SRPK1: variants seen among roughly 807,000 people sequenced by gnomAD.
The protein encoded by SRPK1 is SRSF protein kinase 1.
Under a neutral mutation model 89.5 loss-of-function variants are expected in SRPK1, and 52 were observed. That is an observed-to-expected ratio of 0.58 (90% CI 0.46 to 0.73). The LOEUF (loss-of-function observed/expected upper bound fraction) is 0.73. SRPK1 is among the 30% of genes least tolerant of loss of function. The probability of loss-of-function intolerance (pLI) is 0.00; values close to 1 mark genes in which losing one functional copy is unlikely to be tolerated. For synonymous variants in SRPK1, 255 were observed against 270.2 expected (o/e 0.94, Z 0.55); for missense variants, 603 against 780.6 (o/e 0.77, Z 2.71).
Position 35,910,975 on chromosome 6 carries a change from G to A in SRPK1, c.74+9493C>T, listed in dbSNP as rs115644660. 8.3e-3 allele frequency among the ~76,000 whole-genome samples: 1,269 copies of A among 152,276 alleles called. 19 individuals are homozygous for A. The highest frequency in any genetic ancestry group is 0.028 in the African/African-American group (1,173 of 41,554). On this transcript the variant is annotated intron_variant, in intron 2 of 15. Transcript: ENST00000373825. ...ACCTAGTCACCCAAGAGCTCTGATG[G>A]GAATGTACAAAGAGATTAATGTTGT...
At chr6:35,897,424 G>A (rs1167500154) in intron 2 of SRPK1, among the ~76,000 whole-genome samples, 1 of 152,172 alleles carries the variant, frequency 6.6e-6, no homozygotes, top group Non-Finnish European at 1.5e-5. Flanking sequence ...TAAACAAAAA[G>A]CAATGGGTAA....
chr6:35,861,399 T>C (rs1400027614), intron 12 of SRPK1, among the ~76,000 whole-genome samples: 16 of 152,158 alleles, frequency 1.1e-4, no homozygotes, highest in Admixed American at 1.0e-3. Flanking sequence ...CCCACAGGCA[T>C]CTGAGTCTAA....
intron 6 of SRPK1, among the ~76,000 whole-genome samples, 176 bp from the exon 7 acceptor site, chr6:35,874,515 T>C (rs1439199782): frequency 6.6e-6 from 1 of 152,246 alleles, no homozygotes; most frequent in Admixed American, 6.5e-5. Flanking sequence ...TCTAATGCTA[T>C]AGTCAATGAA....
At chr6:35,919,094 G>A (rs1771172833) in intron 2 of SRPK1, among the ~76,000 whole-genome samples, 1 of 152,170 alleles carries the variant, frequency 6.6e-6, no homozygotes, top group Admixed American at 6.5e-5. Context: ...CTGCACACTA[G>A]AACCAAGTTA....
At chr6:35,877,603 G>A (rs1337226019) in intron 6 of SRPK1, among the ~76,000 whole-genome samples, 3 of 152,172 alleles carry the variant, frequency 2.0e-5, no homozygotes, top group Non-Finnish European at 2.9e-5. Flanking sequence ...AGCACTTTGG[G>A]AGGCCGAGGT....
At chr6:35,861,038 TA>T (rs750042331) in intron 12 of SRPK1, among the ~76,000 whole-genome samples, 4 of 152,320 alleles carry the variant, frequency 2.6e-5, no homozygotes, top group Non-Finnish European at 5.9e-5. Context: ...GTTTAGCGAA[TA>T]TATGACTTGA....
In SRPK1 at chr6:35,835,661, A is replaced by C. The variant is rs556893046; in HGVS notation, c.1784-173T>G. Among the ~76,000 whole-genome samples the C allele has an allele frequency of 6.6e-5, 10 of 152,346 alleles. No individual in the cohort carries two copies. In the East Asian group the frequency reaches 1.7e-3, roughly 26 times the overall value. On this transcript the variant is annotated intron_variant, in intron 15 of 15. Coordinates refer to ENST00000373825, the MANE Select transcript of SRPK1 (RefSeq NM_003137.5). ...TTTTCTGACATATGCCTCAGAAAGA[A>C]GTGCCTCTATTCTTCATACGGCTCC...
chr6:35,846,525 C>A (rs1019276023), intron 13 of SRPK1, among the ~76,000 whole-genome samples: 1 of 147,242 alleles, frequency 6.8e-6, no homozygotes, highest in African/African-American at 2.5e-5. Flanking sequence ...CTCCAACCTG[C>A]GTCCTGCATG....
intron 12 of SRPK1, among the ~76,000 whole-genome samples, chr6:35,866,732 T>C (rs1369055722): frequency 6.6e-6 from 1 of 152,182 alleles, no homozygotes; most frequent in African/African-American, 2.4e-5. Flanking sequence ...TACTTGTATG[T>C]TTATCACAGC....
Position 35,885,292 on chromosome 6 carries a change from CACACACAG to C in SRPK1, c.478+1424_478+1431del, listed in dbSNP as rs1456647309. Among the ~76,000 whole-genome samples, 441 of 135,216 alleles carry C rather than the reference CACACACAG, an allele frequency of 3.3e-3. 2 individuals carry two copies. Among genetic ancestry groups the C allele is most frequent in the South Asian group, 8.6e-3 (35 of 4,084 alleles). 88.7% of individuals were successfully genotyped at this position (135,216 alleles called of 152,430 possible). A position where few individuals can be genotyped will look rare whatever the true frequency, so the allele number is the denominator to read the frequency against. On this transcript the variant is annotated intron_variant, in intron 6 of 15. Transcript: ENST00000373825. The stretch of plus-strand genomic sequence containing the variant: ...ACACACACACACACACACACACACA[CACACACAG>C]AGAGAGAGAGAGAGAGAGAGAGAGA...
chr6:35,910,013 C>T lies in SRPK1; in HGVS notation c.74+10455G>A, dbSNP rs186073686. On this transcript the variant is annotated intron_variant, in intron 2 of 15. Transcript: ENST00000373825. ...TCTTTTTTTTTTTAAGATGGAGTTT[C>T]GCTCTTATTGCTCAGGCTAGAGTGC... Among the ~76,000 whole-genome samples the T allele has an allele frequency of 4.1e-3, 618 of 151,452 alleles. 2 individuals carry two copies. Among genetic ancestry groups the T allele is most frequent in the Non-Finnish European group, 7.0e-3 (472 of 67,882 alleles).
chr6:35,849,730 A>G (rs1769513031), intron 13 of SRPK1, among the ~76,000 whole-genome samples: 1 of 152,244 alleles, frequency 6.6e-6, no homozygotes, highest in Non-Finnish European at 1.5e-5. Context: ...TTCAAAGTTT[A>G]GATTTTTGGA....
intron 6 of SRPK1, among the ~76,000 whole-genome samples, chr6:35,876,037 CA>C (rs1770148775): frequency 9.4e-6 from 1 of 106,516 alleles, no homozygotes; most frequent in African/African-American, 3.6e-5. Flanking sequence ...AACAATCAAA[CA>C]AATCCAAACT....
At chr6:35,919,827 C>T (rs1015239719) in intron 2 of SRPK1, among the ~76,000 whole-genome samples, 3 of 152,174 alleles carry the variant, frequency 2.0e-5, no homozygotes, top group Non-Finnish European at 2.9e-5. Flanking sequence ...GATGTCCACT[C>T]CGGAAGATTA....
At chr6:35,916,817 G>A (rs1771113265) in intron 2 of SRPK1, among the ~76,000 whole-genome samples, 1 of 152,240 alleles carries the variant, frequency 6.6e-6, no homozygotes, top group Non-Finnish European at 1.5e-5. Flanking sequence ...CCAGCACTAT[G>A]AGAGGCCAAG....
At chr6:35,880,836 T>C (rs1582014824) in intron 6 of SRPK1, among the ~76,000 whole-genome samples, 1 of 110,424 alleles carries the variant, frequency 9.1e-6, no homozygotes, top group African/African-American at 3.3e-5. Flanking sequence ...ATGAAAGACA[T>C]GAATCCAAAA....
chr6:35,879,014 C>CCAGGAGG (rs1242585858), intron 6 of SRPK1, among the ~76,000 whole-genome samples: 12 of 151,896 alleles, frequency 7.9e-5, no homozygotes, highest in African/African-American at 2.7e-4. Context: ...TCACTTAAAC[C>CCAGGAGG]CAGGAGGCGG....
chr6:35,888,756 C>T, intron 4 of SRPK1, 59 bp downstream of exon 4: 2 of 1,133,334 alleles, frequency 1.8e-6, no homozygotes, highest in Non-Finnish European at 2.7e-6. Flanking sequence ...AGTGGAAACT[C>T]AGACAAACAC....
chr6:35,899,623 G>A (rs1019038217), intron 2 of SRPK1, among the ~76,000 whole-genome samples: 6 of 152,176 alleles, frequency 3.9e-5, no homozygotes, highest in Non-Finnish European at 8.8e-5. Flanking sequence ...AGACTGTGAA[G>A]AGCCTTAAAT....
Sources: allele counts gnomAD v4.1 joint callset (sites outside exome capture counted in the v4.1 genomes callset), GRCh38; gene constraint gnomAD v4.1.1; transcripts MANE v1.5; gene names NCBI Gene and HGNC (gene_info 2026-07-23, HGNC 2026-07-21).